Variants in TMEM30A observed in about 807,000 individuals in gnomAD.
TMEM30A encodes cell cycle control protein 50A.
In TMEM30A, 24 loss-of-function variants were observed where a neutral mutation model predicts 38.2. The observed-to-expected ratio is 0.63, with a 90% CI of 0.46 to 0.88. The LOEUF (loss-of-function observed/expected upper bound fraction) is 0.88. Among genes scored for constraint, TMEM30A ranks in the 40% least tolerant of loss-of-function variants. The probability of loss-of-function intolerance (pLI) is 0.00; values close to 1 mark genes in which losing one functional copy is unlikely to be tolerated. For missense variants in TMEM30A, 370 were observed against 458.6 expected, an observed-to-expected ratio of 0.81 and a Z score of 1.77; for synonymous variants, 145 against 161.6, an observed-to-expected ratio of 0.90 and a Z score of 0.78.
At chr6:75,280,789 A>G (rs563958497) in intron 1 of TMEM30A, among the ~76,000 whole-genome samples, 114 of 152,316 alleles carry the variant, frequency 7.5e-4, no homozygotes, top group Non-Finnish European at 1.4e-3. Flanking sequence ...TTAACATAAA[A>G]GTGCCTAATC....
intron 2 of TMEM30A, among the ~76,000 whole-genome samples, chr6:75,267,301 G>A (rs1487376763): frequency 6.6e-6 from 1 of 152,158 alleles, no homozygotes; most frequent in East Asian, 1.9e-4. Context: ...TCGTAAGTAT[G>A]CACAACAATT....
intron 1 of TMEM30A, among the ~76,000 whole-genome samples, chr6:75,270,594 A>C (rs377581055): frequency 3.2e-4 from 49 of 152,284 alleles, no homozygotes; most frequent in African/African-American, 1.1e-3. Flanking sequence ...CTAGGAGCTG[A>C]ATCTACCAGT....
intron 1 of TMEM30A, among the ~76,000 whole-genome samples, chr6:75,276,901 T>C (rs958139557): frequency 9.9e-5 from 15 of 152,150 alleles, no homozygotes; most frequent in African/African-American, 3.6e-4. Context: ...ACTAAGCACA[T>C]TCCTCAGGAC....
intron 3 of TMEM30A, 135 bp downstream of exon 3, chr6:75,265,096 C>A (rs1265141236): frequency 5.7e-6 from 3 of 523,124 alleles, no homozygotes; most frequent in African/African-American, 4.0e-5. Flanking sequence ...GACTCCATCT[C>A]GGGGGGAAAA....
chr6:75,257,051 T>C (rs190389047), intron 6 of TMEM30A, among the ~76,000 whole-genome samples: 205 of 152,304 alleles, frequency 1.3e-3, no homozygotes, highest in African/African-American at 4.5e-3. Flanking sequence ...TCTGTTTCTC[T>C]AGTTTCTTCA....
intron 1 of TMEM30A, among the ~76,000 whole-genome samples, chr6:75,278,742 C>T (rs946361605): frequency 6.6e-6 from 1 of 152,148 alleles, no homozygotes; most frequent in Non-Finnish European, 1.5e-5. Context: ...TCACTTCCCT[C>T]GTTTAATATA....
chr6:75,274,985 T>C (rs1477734728), intron 1 of TMEM30A, among the ~76,000 whole-genome samples: 2 of 144,794 alleles, frequency 1.4e-5, no homozygotes, highest in African/African-American at 5.2e-5. Context: ...CACTCCAGCC[T>C]GGGTGACAGA....
At chr6:75,256,377 T>C (rs905458304) in intron 6 of TMEM30A, 82 bp from the exon 7 acceptor site, 4 of 1,263,342 alleles carry the variant, frequency 3.2e-6, no homozygotes, top group Non-Finnish European at 3.3e-6. Context: ...ATTTAATTGT[T>C]GGTAATTCAT....
intron 1 of TMEM30A, among the ~76,000 whole-genome samples, chr6:75,273,107 C>G (rs938508093): frequency 1.3e-5 from 2 of 152,162 alleles, no homozygotes; most frequent in African/African-American, 4.8e-5. Context: ...ACTCTCTGTA[C>G]GTCCCATCCA....
At position 75,264,888 on chromosome 6, in the gene TMEM30A, T is replaced by C. The variant is rs554985204; in HGVS notation, c.453+343A>G. Among the ~76,000 whole-genome samples the C allele has an allele frequency of 5.3e-5, 8 of 152,044 alleles. No individual in the cohort carries two copies. In the South Asian group the frequency reaches 6.2e-4, roughly 12 times the overall value. ...AGGCCGAGGTGGGCAGATCATGAGG[T>C]CAGGAGTTTGAAAGCAGACTGGCCA... is the stretch of plus-strand genomic sequence containing the variant. On this transcript the variant is annotated intron_variant, in intron 3 of 6. Coordinates refer to ENST00000230461, the MANE Select transcript of TMEM30A (RefSeq NM_018247.4).
In TMEM30A at chr6:75,260,849, T is replaced by C. The variant is rs771758151; in HGVS notation, c.516A>G (p.Gly172=). The C allele has an allele frequency of 1.9e-6, 3 of 1,599,280 alleles. No homozygotes were observed. In the East Asian group the frequency reaches 6.8e-5, roughly 36 times the overall value. ...RNEDKPIAPC[G]AIANSMFNDT... ...CATTAAACATGCTGTTGGCAATAGC[T>C]CCACAAGGAGCAATTGGTTTGTCTT... The change falls in exon 4 of 7, where the codon GGA becomes GGG. Residue 172 remains glycine, a synonymous_variant. Coordinates refer to ENST00000230461, the MANE Select transcript of TMEM30A (RefSeq NM_018247.4).
chr6:75,271,195 A>T lies in TMEM30A; in HGVS notation c.238-3447T>A, dbSNP rs189098407. On this transcript the variant is annotated intron_variant, in intron 1 of 6. Transcript: ENST00000230461. ...ATACGCTTTTGAACAGAAACCTCTC[A>T]AATCACTGTTTAGAATTAGTTTCTA... Among the ~76,000 whole-genome samples, 348 of 152,330 alleles carry T rather than the reference A, an allele frequency of 2.3e-3. 2 individuals carry two copies. The highest frequency in any genetic ancestry group is 6.8e-3 in the Middle Eastern group (2 of 294).
At chr6:75,277,208 A>C (rs1342231946) in intron 1 of TMEM30A, among the ~76,000 whole-genome samples, 21 of 149,896 alleles carry the variant, frequency 1.4e-4, no homozygotes, top group Non-Finnish European at 3.2e-4. Context: ...GAATACAGGA[A>C]ACTACAGGAA....
intron 3 of TMEM30A, among the ~76,000 whole-genome samples, chr6:75,264,386 A>C (rs240392): frequency 0.89 from 134,867 of 152,142 alleles, 60,270 homozygotes; most frequent in Non-Finnish European, 0.95. Context: ...CTGTAATCCC[A>C]GCACTTTGGA....
Position 75,274,723 on chromosome 6 carries a change from A to T in TMEM30A, c.238-6975T>A, listed in dbSNP as rs999151482. Among the ~76,000 whole-genome samples the T allele has an allele frequency of 4.6e-5, 7 of 152,116 alleles. No homozygotes were observed. The East Asian group carries it at 1.4e-3, about 29-fold the overall frequency. On this transcript the variant is annotated intron_variant, in intron 1 of 6. Coordinates refer to ENST00000230461, the MANE Select transcript of TMEM30A (RefSeq NM_018247.4). ...TTTACCACTGCTTTTCATGTCACTA[A>T]ATCAAAAGTCAGTTCTCAGGCCGGG...
At chr6:75,267,272 A>C (rs1772085572) in intron 2 of TMEM30A, among the ~76,000 whole-genome samples, 2 of 152,232 alleles carry the variant, frequency 1.3e-5, no homozygotes, top group African/African-American at 4.8e-5. Flanking sequence ...TATTTTCTAA[A>C]GTAAAGCTTG....
rs1448437127 is a variant in TMEM30A at position 75,265,226 on chromosome 6, C to A, written c.453+5G>T. The stretch of plus-strand genomic sequence containing the variant: ...TCATATTTTCATATTTATCATTTTA[C>A]TTACAAGCAAAGCACTAGAATCTCC... On this transcript the variant is annotated splice_donor_5th_base_variant and intron_variant, in intron 3 of 6. Coordinates refer to ENST00000230461, the MANE Select transcript of TMEM30A (RefSeq NM_018247.4). 6.5e-7 allele frequency: 1 copy of A among 1,537,406 alleles called. No individual in the cohort carries two copies. Among genetic ancestry groups the A allele is most frequent in the African/African-American group, 1.4e-5 (1 of 72,670 alleles).
chr6:75,260,952 G>A (rs370825544), intron 3 of TMEM30A, 41 bp from the exon 4 acceptor site: 2 of 1,426,126 alleles, frequency 1.4e-6, no homozygotes, highest in South Asian at 2.6e-5. Context: ...TTATTATCCA[G>A]GCCTTTGGGA....
chr6:75,284,743 G>T lies in TMEM30A; in HGVS notation c.-105C>A. ...GAGCGCCGCTGCCGCCGCCGCCGCCGCAGCCACCAGCGCCACCGCCACAGC... is the reference window on the plus strand; with the variant it reads ...GAGCGCCGCTGCCGCCGCCGCCGCCTCAGCCACCAGCGCCACCGCCACAGC... On this transcript the variant is annotated 5_prime_UTR_variant, in exon 1 of 7. Coordinates refer to ENST00000230461, the MANE Select transcript of TMEM30A (RefSeq NM_018247.4). 9.2e-7 allele frequency: 1 copy of T among 1,084,588 alleles called. No individual in the cohort carries two copies. Among genetic ancestry groups the T allele is most frequent in the Non-Finnish European group, 1.4e-6 (1 of 726,384 alleles). 67.2% of individuals were successfully genotyped at this position (1,084,588 alleles called of 1,614,324 possible).
Sources: allele counts gnomAD v4.1 joint callset (sites outside exome capture counted in the v4.1 genomes callset), GRCh38; gene constraint gnomAD v4.1.1; transcripts MANE v1.5; gene names NCBI Gene and HGNC (gene_info 2026-07-23, HGNC 2026-07-21).